The following CCDC141 variants were observed in gnomAD, a reference collection of about 807,000 sequenced individuals.
CCDC141 encodes coiled-coil domain containing 141.
CCDC141 carries 168 observed loss-of-function variants against 181.0 expected under a neutral mutation model. The ratio of observed to expected loss-of-function variants is 0.93; its 90% CI spans 0.82 to 1.05. The LOEUF is 1.05. CCDC141 is among the 50% of genes least tolerant of loss of function. The pLI is 0.00. For synonymous variants in CCDC141, 666 were observed against 642.3 expected (o/e 1.04, Z -0.56); for missense variants, 1,902 against 1,788.5 (o/e 1.06, Z -1.14).
chr2:178,866,387 T>A (rs1685851761), intron 16 of CCDC141, among the ~76,000 whole-genome samples: 1 of 152,230 alleles, frequency 6.6e-6, no homozygotes, highest in South Asian at 2.1e-4. Context: ...AAAGTGAGAC[T>A]TCTTGCTTTC....
intron 2 of CCDC141, among the ~76,000 whole-genome samples, chr2:178,999,787 T>C (rs960293800): frequency 3.3e-5 from 5 of 152,056 alleles, no homozygotes; most frequent in Non-Finnish European, 7.4e-5. Context: ...CACCTATCCT[T>C]GAACAACTCT....
chr2:178,856,278 A>G lies in CCDC141; in HGVS notation c.2844T>C (p.Asp948=), dbSNP rs765109546. The G allele has an allele frequency of 4.3e-6, 7 of 1,610,918 alleles. No homozygotes were observed. Among genetic ancestry groups the G allele is most frequent in the Non-Finnish European group, 8.5e-7 (1 of 1,178,564 alleles). ...TTACCTGCATTTTTTCAGCATACAT[A>G]TCAACTTGCTGAATTTGATATTTAA... The part of the protein sequence containing the change: ...KALKYQIQQV[D]MYAEKMQALK... The change falls in exon 18 of 24, where the codon GAT becomes GAC. Residue 948 remains aspartate, a synonymous_variant. Transcript: ENST00000443758.
chr2:179,027,480 T>C (rs1000840457), intron 2 of CCDC141, among the ~76,000 whole-genome samples: 1 of 151,214 alleles, frequency 6.6e-6, no homozygotes. Context: ...CTGTCTCTAC[T>C]AAAAATACAA....
the CCDC141 span, among the ~76,000 whole-genome samples, chr2:178,820,034 C>T: frequency 6.6e-6 from 1 of 152,062 alleles, no homozygotes; most frequent in Non-Finnish European, 1.5e-5. Context: ...TAAAGCACAC[C>T]ACTGATACTT....
chr2:179,021,751 CT>C (rs1397534099), intron 2 of CCDC141, among the ~76,000 whole-genome samples: 1 of 152,114 alleles, frequency 6.6e-6, no homozygotes, highest in Non-Finnish European at 1.5e-5. Context: ...TTCTTGGTCA[CT>C]CTTCAAACTA....
chr2:178,871,541 G>A lies in CCDC141; in HGVS notation c.2091C>T (p.Asn697=). 2 of 1,612,304 alleles carry A rather than the reference G, an allele frequency of 1.2e-6. No homozygotes were observed. Among genetic ancestry groups the A allele is most frequent in the South Asian group, 1.1e-5 (1 of 90,464 alleles). ...FKEQLKKTSH[N]LKLLQEALMP... is the part of the protein sequence containing the mutation. ...TAAGTGCTTCCTGAAGAAGTTTTAA[G>A]TTGTGAGAAGTCTGAAATAAATATT... is the stretch of plus-strand genomic sequence containing the variant. Residue 697 remains asparagine, a synonymous_variant, in exon 14 of 24, where the codon AAC becomes AAT. Transcript: ENST00000443758.
intron 5 of CCDC141, among the ~76,000 whole-genome samples, chr2:178,945,484 C>T (rs963751208): frequency 2.0e-5 from 3 of 152,050 alleles, no homozygotes; most frequent in African/African-American, 4.8e-5. Flanking sequence ...TTTGAAGAGG[C>T]AGCTTATCCA....
chr2:179,003,731 C>T (rs2042048232), intron 2 of CCDC141, among the ~76,000 whole-genome samples: 1 of 152,050 alleles, frequency 6.6e-6, no homozygotes, highest in South Asian at 2.1e-4. Flanking sequence ...ACATGGAATG[C>T]CAATCATGAT....
At chr2:179,022,510 C>T (rs999903627) in intron 2 of CCDC141, among the ~76,000 whole-genome samples, 2 of 152,216 alleles carry the variant, frequency 1.3e-5, no homozygotes, top group Admixed American at 1.3e-4. Flanking sequence ...ACTGTTCCGT[C>T]TCACGCCACT....
chr2:178,928,387 G>A (rs558625134), intron 6 of CCDC141, among the ~76,000 whole-genome samples: 1 of 152,272 alleles, frequency 6.6e-6, no homozygotes, highest in South Asian at 2.1e-4. Context: ...GGTTGTAGGC[G>A]GTTCACAGAT....
intron 5 of CCDC141, among the ~76,000 whole-genome samples, chr2:178,954,635 T>C (rs1352037674): frequency 6.6e-6 from 1 of 152,174 alleles, no homozygotes; most frequent in Non-Finnish European, 1.5e-5. Context: ...ATGGCCCTTA[T>C]GAGAGAAGAC....
intron 2 of CCDC141, among the ~76,000 whole-genome samples, chr2:178,990,119 A>G (rs1691975666): frequency 6.7e-6 from 1 of 148,728 alleles, no homozygotes; most frequent in Non-Finnish European, 1.5e-5. Flanking sequence ...AGGCTGGACA[A>G]CAAGAGCGAA....
rs1684277689 is a variant in CCDC141, at chr2:178,832,285, C to A, written c.*1888G>T. ...ATCCTGGCACTTTGGGAGGCTGAGG[C>A]CCAGCCTGGCCAACATGGTGAAACC... On this transcript the variant is annotated 3_prime_UTR_variant, in exon 24 of 24. Transcript: ENST00000443758. The A allele has an allele frequency of 6.6e-6, 1 of 151,766 alleles. No individual in the cohort carries two copies. The highest frequency in any genetic ancestry group is 1.5e-5 in the Non-Finnish European group (1 of 67,930). 9.4% of individuals were successfully genotyped at this position (151,766 alleles called of 1,614,324 possible).
chr2:178,975,402 T>G (rs1372265977), intron 3 of CCDC141, among the ~76,000 whole-genome samples: 1 of 152,112 alleles, frequency 6.6e-6, no homozygotes, highest in East Asian at 1.9e-4. Flanking sequence ...TCTTCTCCTT[T>G]CATACCTAAT....
At chr2:179,047,194 G>T (rs2043525640) in intron 2 of CCDC141, 90 bp downstream of exon 2, 1 of 1,216,018 alleles carries the variant, frequency 8.2e-7, no homozygotes. Flanking sequence ...AGTGGCCCTA[G>T]GCCAGTAACA....
At chr2:179,034,981 T>C (rs920396746) in intron 2 of CCDC141, among the ~76,000 whole-genome samples, 7 of 152,226 alleles carry the variant, frequency 4.6e-5, no homozygotes, top group Non-Finnish European at 1.0e-4. Context: ...GTCTATGGGT[T>C]CTGGAAAACT....
At chr2:179,049,672 A>C (rs1183624277) in intron 1 of CCDC141, among the ~76,000 whole-genome samples, 168 bp downstream of exon 1, 1 of 151,552 alleles carries the variant, frequency 6.6e-6, no homozygotes, top group Non-Finnish European at 1.5e-5. Context: ...TAACTGCTGA[A>C]ACTTGTAGAG....
rs1380886232 is a variant in CCDC141, at chr2:178,869,131, G to A, written c.2380C>T (p.Gln794Ter). The A allele has an allele frequency of 6.3e-7, 1 of 1,583,754 alleles. No homozygotes were observed. The highest frequency in any genetic ancestry group is 8.6e-7 in the Non-Finnish European group (1 of 1,169,222). Residue 794 changes from glutamine (Q) to a stop codon, truncating the protein, a stop_gained, in exon 15 of 24, where the codon CAA becomes TAA. Transcript: ENST00000443758. LOFTEE classifies it high-confidence loss of function. ...DILYKVVQFH[Q>*]VKEELGRLIK... is the part of the protein sequence containing the mutation. ...CTAAGCCTTACCTCTTCCTTGACTT[G>A]ATGGAACTGGACCACCTTGTACAGG...
chr2:178,817,662 G>A, the CCDC141 span: 2 of 414,984 alleles, frequency 4.8e-6, no homozygotes, highest in Non-Finnish European at 1.0e-5. Context: ...TTCTAGGAAC[G>A]TTAGAATTTT....
Sources: allele counts gnomAD v4.1 joint callset (sites outside exome capture counted in the v4.1 genomes callset), GRCh38; gene constraint gnomAD v4.1.1; transcripts MANE v1.5; gene names NCBI Gene and HGNC (gene_info 2026-07-23, HGNC 2026-07-21).